Variants in CHL1 observed in about 807,000 individuals in gnomAD.
CHL1 encodes neural cell adhesion molecule L1-like protein.
CHL1 carries 96 observed loss-of-function variants against 141.9 expected under a neutral mutation model. The ratio of observed to expected loss-of-function variants is 0.68; its 90% CI spans 0.57 to 0.80. The LOEUF is 0.80. CHL1 is among the 30% of genes least tolerant of loss of function. The pLI, the probability that CHL1 is intolerant of heterozygous loss-of-function variation, is 0.00. For synonymous variants in CHL1, 613 were observed against 502.2 expected (o/e 1.22, Z -2.95); for missense variants, 1,820 against 1,457.2 (o/e 1.25, Z -4.05).
At chr3:228,795 G>A (rs1419108377) in intron 1 of CHL1, among the ~76,000 whole-genome samples, 3 of 152,078 alleles carry the variant, frequency 2.0e-5, no homozygotes, top group African/African-American at 4.8e-5. Context: ...CAGCTCAATG[G>A]CATATTTTAA....
chr3:261,382 G>A (rs1694706342), intron 2 of CHL1, among the ~76,000 whole-genome samples: 1 of 151,600 alleles, frequency 6.6e-6, no homozygotes, highest in African/African-American at 2.4e-5. Context: ...AGGAGGGAGA[G>A]AGAGCCTTCT....
At chr3:318,255 T>C (rs1700292605) in intron 2 of CHL1, among the ~76,000 whole-genome samples, 1 of 151,882 alleles carries the variant, frequency 6.6e-6, no homozygotes. Context: ...AAGATACAGG[T>C]CTATAATATC....
intron 2 of CHL1, among the ~76,000 whole-genome samples, chr3:314,621 G>C (rs1391436186): frequency 6.6e-6 from 1 of 151,844 alleles, no homozygotes; most frequent in Admixed American, 6.6e-5. Flanking sequence ...TAGGATGGCT[G>C]CCATTTTACG....
chr3:238,655 T>C (rs1692227113), intron 1 of CHL1, among the ~76,000 whole-genome samples: 1 of 152,048 alleles, frequency 6.6e-6, no homozygotes, highest in Non-Finnish European at 1.5e-5. Flanking sequence ...CCAGGTACAG[T>C]GGCTCACGCC....
chr3:326,135 A>T (rs1318975954), intron 4 of CHL1, 71 bp downstream of exon 4: 4 of 874,864 alleles, frequency 4.6e-6, no homozygotes, highest in African/African-American at 1.7e-5. Context: ...TACTCTTACC[A>T]TCACAAGCCT....
In CHL1 at chr3:337,276, C is replaced by T. The variant is rs373523876; in HGVS notation, c.386-3518C>T. ...CACAATCTCTGCTCACTGCAAGCTC[C>T]GCCTCCCGGGTTCCCGCCATTCTCC... On this transcript the variant is annotated intron_variant, in intron 5 of 27. Transcript: ENST00000256509. Among the ~76,000 whole-genome samples the T allele has an allele frequency of 8.8e-3, 1,329 of 150,626 alleles. 19 individuals carry two copies. The highest frequency in any genetic ancestry group is 0.03 in the African/African-American group (1,213 of 40,946).
At position 247,883 on chromosome 3, in the gene CHL1, T is replaced by G. The variant is rs1226901487; in HGVS notation, c.-95+3191T>G. ...ATCGAAGTTGTATGCTCTTCAGCAA[T>G]GATGCTACCCCATATCCTTTTTTTT... On this transcript the variant is annotated intron_variant, in intron 2 of 27. Coordinates refer to ENST00000256509, the MANE Select transcript of CHL1 (RefSeq NM_006614.4). The G allele has an allele frequency of 2.0e-5, 3 of 152,284 alleles. No homozygotes were observed. In the Middle Eastern group the frequency reaches 0.01, roughly 518 times the overall value. 9.4% of individuals were successfully genotyped at this position (152,284 alleles called of 1,614,324 possible). A position where few individuals can be genotyped will look rare whatever the true frequency, so the allele number is the denominator to read the frequency against.
chr3:357,186 C>G (rs974478861), intron 11 of CHL1, among the ~76,000 whole-genome samples: 2 of 152,330 alleles, frequency 1.3e-5, no homozygotes, highest in South Asian at 4.1e-4. Context: ...GCTCGGTGTT[C>G]TGTTCACAGC....
intron 1 of CHL1, among the ~76,000 whole-genome samples, chr3:208,094 G>A (rs573938330): frequency 8.5e-4 from 130 of 152,264 alleles, no homozygotes; most frequent in Non-Finnish European, 1.6e-3. Flanking sequence ...ACCTTCTTTT[G>A]AAAACTTGTA....
intron 2 of CHL1, among the ~76,000 whole-genome samples, chr3:250,515 G>C (rs1693590761): frequency 6.6e-6 from 1 of 152,008 alleles, no homozygotes; most frequent in Non-Finnish European, 1.5e-5. Flanking sequence ...TCAGTACTGA[G>C]TTTCTATCTC....
At chr3:350,928 A>T (rs531306975) in intron 10 of CHL1, among the ~76,000 whole-genome samples, 2 of 152,308 alleles carry the variant, frequency 1.3e-5, no homozygotes, top group South Asian at 2.1e-4. Flanking sequence ...TTTAGTCATC[A>T]TTTGATGTTT....
intron 6 of CHL1, 110 bp downstream of exon 6, chr3:341,026 T>C (rs935564446): frequency 1.6e-6 from 2 of 1,218,166 alleles, no homozygotes; most frequent in East Asian, 2.6e-5. Context: ...CTCTTAATTT[T>C]TTCATATTTG....
rs7626503 is a variant in CHL1, at chr3:405,884, T to A, written c.*173T>A. ...GTAGTACTTTCTTCAAAATATAAAA[T>A]GCCAAGCACTTCAGGCCTATGTTTT... is the stretch of plus-strand genomic sequence containing the variant. On this transcript the variant is annotated 3_prime_UTR_variant, in exon 28 of 28. Transcript: ENST00000256509. The A allele has an allele frequency of 7.8e-3, 4,521 of 576,340 alleles. 149 individuals carry two copies. Among genetic ancestry groups the A allele is most frequent in the African/African-American group, 0.075 (4,013 of 53,334 alleles). 35.7% of individuals were successfully genotyped at this position (576,340 alleles called of 1,614,324 possible). A position where few individuals can be genotyped will look rare whatever the true frequency, so the allele number is the denominator to read the frequency against.
chr3:210,366 A>G (rs1365707763), intron 1 of CHL1, among the ~76,000 whole-genome samples: 8 of 152,208 alleles, frequency 5.3e-5, no homozygotes, highest in Admixed American at 3.3e-4. Context: ...CTTCTGCCCC[A>G]TTTGGTGACA....
intron 15 of CHL1, among the ~76,000 whole-genome samples, chr3:366,837 T>G (rs1013260239): frequency 6.6e-6 from 1 of 152,212 alleles, no homozygotes; most frequent in African/African-American, 2.4e-5. Context: ...GTACTACTCG[T>G]GAGTCCTGCC....
chr3:212,139 G>C (rs1210737031), intron 1 of CHL1, among the ~76,000 whole-genome samples: 1 of 152,096 alleles, frequency 6.6e-6, no homozygotes, highest in African/African-American at 2.4e-5. Flanking sequence ...GAGTGGTAGA[G>C]GCTGGTGGTG....
At chr3:345,277 G>A (rs1702668058) in intron 9 of CHL1, among the ~76,000 whole-genome samples, 1 of 151,748 alleles carries the variant, frequency 6.6e-6, no homozygotes, top group Admixed American at 6.6e-5. Flanking sequence ...TGTTTGCTAT[G>A]TTACTTACTA....
At chr3:209,818 A>G (rs1308993679) in intron 1 of CHL1, among the ~76,000 whole-genome samples, 1 of 152,190 alleles carries the variant, frequency 6.6e-6, no homozygotes, top group Non-Finnish European at 1.5e-5. Flanking sequence ...TTTACAAGCA[A>G]TGCACTAATA....
At chr3:217,715 G>A (rs1040657247) in intron 1 of CHL1, 3 of 152,316 alleles carry the variant, frequency 2.0e-5, no homozygotes, top group Admixed American at 6.5e-5. Context: ...GCTTAGGGCA[G>A]ATCACATAAG....
Sources: allele counts gnomAD v4.1 joint callset (sites outside exome capture counted in the v4.1 genomes callset), GRCh38; gene constraint gnomAD v4.1.1; transcripts MANE v1.5; gene names NCBI Gene and HGNC (gene_info 2026-07-23, HGNC 2026-07-21).